MRTFA: variants seen among roughly 807,000 people sequenced by gnomAD.
The protein encoded by MRTFA is myocardin related transcription factor A, also known as myocardin-related transcription factor A.
In MRTFA, 20 loss-of-function variants were observed where a neutral mutation model predicts 83.5. The ratio of observed to expected loss-of-function variants is 0.24; its 90% CI spans 0.17 to 0.35. MRTFA has a LOEUF of 0.35. MRTFA is among the 10% of genes least tolerant of loss of function. The pLI is 1.00. For missense variants in MRTFA, 1,200 were observed against 1,224.7 expected, an observed-to-expected ratio of 0.98 and a Z score of 0.30; for synonymous variants, 659 against 541.2, an observed-to-expected ratio of 1.22 and a Z score of -3.02.
intron 2 of MRTFA, among the ~76,000 whole-genome samples, chr22:40,570,087 G>A (rs1035460259): frequency 6.6e-6 from 1 of 152,110 alleles, no homozygotes; most frequent in African/African-American, 2.4e-5. Context: ...ATTGTGACAG[G>A]CCTGGGAGGT....
intron 3 of MRTFA, among the ~76,000 whole-genome samples, chr22:40,467,707 G>C (rs144909030): frequency 1.5e-4 from 23 of 151,868 alleles, no homozygotes; most frequent in Admixed American, 4.6e-4. Context: ...AGATTTAGGA[G>C]AGTAGGAATT....
At position 40,420,476 on chromosome 22, in the gene MRTFA, G is replaced by A. The variant is rs1832750889; in HGVS notation, c.1282C>T (p.Leu428=). ...AGTGAGGTGCTGTTCTGACGTGCCA[G>A]CCCACAGGGCCCAGGGGCGCCCGAG... The change falls in exon 11 of 15, where the codon CTG becomes TTG. Residue 428 remains leucine (L), a synonymous_variant. Transcript: ENST00000355630. 1 of 1,613,672 alleles carries A rather than the reference G, an allele frequency of 6.2e-7. No homozygotes were observed.
At chr22:40,482,792 G>A (rs2054112535) in intron 3 of MRTFA, among the ~76,000 whole-genome samples, 1 of 152,120 alleles carries the variant, frequency 6.6e-6, no homozygotes. Context: ...GAATAGGGTA[G>A]TCATTCTAGA....
intron 2 of MRTFA, among the ~76,000 whole-genome samples, chr22:40,567,002 T>C (rs1464112440): frequency 6.6e-6 from 1 of 152,230 alleles, no homozygotes; most frequent in Non-Finnish European, 1.5e-5. Context: ...TGTGTCTTAA[T>C]ATATCACTGA....
At chr22:40,420,369 G>A (rs759908479) in intron 11 of MRTFA, 36 bp downstream of exon 11, 1 of 1,599,206 alleles carries the variant, frequency 6.3e-7, no homozygotes, top group East Asian at 2.2e-5. Flanking sequence ...GAAGGGCCAG[G>A]CTGGCAGTGG....
chr22:40,579,719 G>T (rs992024886), intron 2 of MRTFA, among the ~76,000 whole-genome samples: 2 of 152,116 alleles, frequency 1.3e-5, no homozygotes, highest in East Asian at 3.9e-4. Flanking sequence ...AATTAGCCGG[G>T]CATGGTGGCA....
At position 40,438,441 on chromosome 22, in the gene MRTFA, TAAGGCACAAACCCA is replaced by T. The variant is rs548728535; in HGVS notation, c.308-2901_308-2888del. ...ACCCACACTGGCTATCCCCAAAGGG[TAAGGCACAAACCCA>T]AAGGCACAAACCCAACTTCTAGAAG... is the stretch of plus-strand genomic sequence containing the variant. On this transcript the variant is annotated intron_variant, in intron 4 of 14. Transcript: ENST00000355630. Among the ~76,000 whole-genome samples the T allele has an allele frequency of 2.8e-4, 42 of 152,160 alleles. No individual in the cohort carries two copies. In the East Asian group the frequency reaches 3.1e-3, roughly 11 times the overall value.
In MRTFA at chr22:40,424,398, G is replaced by A; in HGVS notation, c.602-17C>T. 6.2e-7 allele frequency: 1 copy of A among 1,611,424 alleles called. No homozygotes were observed. The highest frequency in any genetic ancestry group is 8.5e-7 in the Non-Finnish European group (1 of 1,178,832). On this transcript the variant is annotated splice_polypyrimidine_tract_variant and intron_variant, in intron 7 of 14. Coordinates refer to ENST00000355630, the MANE Select transcript of MRTFA (RefSeq NM_020831.6). The stretch of plus-strand genomic sequence containing the variant: ...CCTGGCCCACTGAAACCCAAAGCTG[G>A]TGTGAGATTCCACTTCCAGCCCAGG...
intron 3 of MRTFA, among the ~76,000 whole-genome samples, chr22:40,531,873 T>C (rs939660235): frequency 1.3e-5 from 2 of 152,252 alleles, no homozygotes; most frequent in African/African-American, 2.4e-5. Context: ...ACATTGTTAA[T>C]GTTTTTGATC....
At chr22:40,578,432 T>C (rs1169618362) in intron 2 of MRTFA, among the ~76,000 whole-genome samples, 1 of 152,108 alleles carries the variant, frequency 6.6e-6, no homozygotes, top group African/African-American at 2.4e-5. Context: ...CATTAATCTA[T>C]ACTAAACAGA....
At position 40,474,581 on chromosome 22, in the gene MRTFA, T is replaced by C. The variant is rs961518235; in HGVS notation, c.242-11295A>G. Among the ~76,000 whole-genome samples the C allele has an allele frequency of 2.0e-5, 3 of 152,204 alleles. No homozygotes were observed. In the East Asian group the frequency reaches 5.8e-4, roughly 29 times the overall value. ...ATCCATGCCTTATTCAGTTCTTCCTTAGCTCCTTGTCCCAACCTCTCTTTC... is the reference window on the plus strand; with the variant it reads ...ATCCATGCCTTATTCAGTTCTTCCTCAGCTCCTTGTCCCAACCTCTCTTTC... On this transcript the variant is annotated intron_variant, in intron 3 of 14. Transcript: ENST00000355630.
chr22:40,605,981 A>G (rs983818247), intron 1 of MRTFA, among the ~76,000 whole-genome samples: 2 of 152,208 alleles, frequency 1.3e-5, no homozygotes, highest in African/African-American at 4.8e-5. Context: ...GGAGTAAGGG[A>G]CTTCCTTGAG....
intron 3 of MRTFA, among the ~76,000 whole-genome samples, chr22:40,530,900 TTA>T (rs2055068076): frequency 6.6e-6 from 1 of 152,258 alleles, no homozygotes; most frequent in Non-Finnish European, 1.5e-5. Flanking sequence ...ATTTAAAAGC[TTA>T]TACTTATCAG....
intron 2 of MRTFA, among the ~76,000 whole-genome samples, chr22:40,567,639 C>A (rs1296536163): frequency 6.6e-6 from 1 of 152,114 alleles, no homozygotes; most frequent in East Asian, 1.9e-4. Context: ...ATCTACCACA[C>A]AGAAAATCTA....
chr22:40,434,695 C>T (rs2053134554), intron 5 of MRTFA, among the ~76,000 whole-genome samples: 1 of 152,184 alleles, frequency 6.6e-6, no homozygotes, highest in South Asian at 2.1e-4. Context: ...GCACTCCAGC[C>T]TGGGTGACAG....
rs557782525 is a variant in MRTFA at position 40,571,921 on chromosome 22, CAAAAAAAAAAAA to C, written c.-21-19566_-21-19555del. On this transcript the variant is annotated intron_variant, in intron 2 of 14. Coordinates refer to ENST00000355630, the MANE Select transcript of MRTFA (RefSeq NM_020831.6). ...CCAGGGCGACAGAGCAAGACTCTGT[CAAAAAAAAAAAA>C]AAAAAAAAAAAAAGAAGAGGGACAA... 2.2e-3 allele frequency among the ~76,000 whole-genome samples: 41 copies of C among 18,734 alleles called. No individual in the cohort carries two copies. In the South Asian group the frequency reaches 0.062, roughly 28 times the overall value. 12.3% of individuals were successfully genotyped at this position (18,734 alleles called of 152,430 possible). A position where few individuals can be genotyped will look rare whatever the true frequency, so the allele number is the denominator to read the frequency against.
intron 3 of MRTFA, among the ~76,000 whole-genome samples, chr22:40,547,102 C>A (rs370942249): frequency 1.3e-5 from 2 of 152,060 alleles, no homozygotes; most frequent in East Asian, 3.9e-4. Flanking sequence ...TTGCAGTGAG[C>A]CGAGACTGTG....
intron 14 of MRTFA, chr22:40,415,239 C>T (rs1848858603): frequency 6.5e-6 from 1 of 152,672 alleles, no homozygotes; most frequent in Non-Finnish European, 1.5e-5. Context: ...GAAGCTCACG[C>T]CAAGGCCTCG....
intron 3 of MRTFA, among the ~76,000 whole-genome samples, chr22:40,495,320 C>T (rs898385897): frequency 3.3e-5 from 5 of 152,050 alleles, no homozygotes; most frequent in Non-Finnish European, 5.9e-5. Flanking sequence ...GGTGTGGTGG[C>T]GGGCGCCTGT....
Sources: gnomAD v4.1 joint callset for allele counts (sites outside exome capture counted in the v4.1 genomes callset) on GRCh38, gnomAD v4.1.1 for gene constraint, MANE v1.5 for transcripts, NCBI Gene and HGNC (gene_info 2026-07-23, HGNC 2026-07-21) for gene names.